Variants in UTRN observed in about 807,000 individuals in gnomAD.
UTRN encodes the protein utrophin, also known as dystrophin-related protein 1.
UTRN carries 283 observed loss-of-function variants against 463.9 expected under a neutral mutation model. That is an observed-to-expected ratio of 0.61 (90% confidence interval 0.55 to 0.67). UTRN has a LOEUF of 0.67. Ranked by LOEUF, UTRN falls within the 30% of genes least tolerant of loss-of-function variation. The pLI is 0.00. For missense variants in UTRN, 3,922 were observed against 4,084.3 expected, an observed-to-expected ratio of 0.96 and a Z score of 1.08; for synonymous variants, 1,442 against 1,431.5, an observed-to-expected ratio of 1.01 and a Z score of -0.17.
chr6:144,431,210 T>G (rs1785808852), intron 9 of UTRN, among the ~76,000 whole-genome samples: 1 of 152,212 alleles, frequency 6.6e-6, no homozygotes, highest in Non-Finnish European at 1.5e-5. Flanking sequence ...TTTATTTAGT[T>G]CTTATAGTTA....
chr6:144,357,150 G>A (rs1214491347), intron 2 of UTRN, among the ~76,000 whole-genome samples: 1 of 152,148 alleles, frequency 6.6e-6, no homozygotes, highest in African/African-American at 2.4e-5. Context: ...GCACATGGGT[G>A]TGGAATTTGT....
Position 144,451,440 on chromosome 6 carries a change from A to T in UTRN, c.2143A>T (p.Ile715Leu). The T allele has an allele frequency of 6.2e-7, 1 of 1,613,358 alleles. No individual in the cohort carries two copies. Among genetic ancestry groups the T allele is most frequent in the Non-Finnish European group, 8.5e-7 (1 of 1,179,824 alleles). Residue 715 changes from isoleucine (I) to leucine (L), a missense_variant, in exon 18 of 75, where the codon ATA becomes TTA. By Grantham distance (5) the Ile-to-Leu change is conservative (BLOSUM62 2). Transcript: ENST00000367545. ...GAAAACTGCCATTCAGACCACAGAG[A>T]TAAAAGAGTATATGAAGATGCAAGA... ...KWKTAIQTTE[I>L]KEYMKMQDTS...
chr6:144,378,810 G>T (rs748453068), intron 2 of UTRN, among the ~76,000 whole-genome samples: 1 of 152,200 alleles, frequency 6.6e-6, no homozygotes, highest in African/African-American at 2.4e-5. Flanking sequence ...AAGGTTATTG[G>T]CTTTAGGCTG....
At chr6:144,316,140 A>G (rs1775273940) in intron 2 of UTRN, among the ~76,000 whole-genome samples, 1 of 152,184 alleles carries the variant, frequency 6.6e-6, no homozygotes, top group Non-Finnish European at 1.5e-5. Context: ...ACTTGAGGCC[A>G]GGAGTTCGAG....
chr6:144,682,713 T>A (rs879320394), intron 52 of UTRN, among the ~76,000 whole-genome samples: 3 of 152,214 alleles, frequency 2.0e-5, no homozygotes, highest in Non-Finnish European at 2.9e-5. Flanking sequence ...AAGGCGTAAA[T>A]GATCTCTTCT....
chr6:144,403,734 G>C (rs1362723423), intron 3 of UTRN, among the ~76,000 whole-genome samples: 2 of 151,956 alleles, frequency 1.3e-5, no homozygotes, highest in East Asian at 1.9e-4. Context: ...TCAATGCTTT[G>C]AGCAATATTT....
chr6:144,824,356 C>CT (rs1346917358), intron 66 of UTRN, among the ~76,000 whole-genome samples: 3 of 149,880 alleles, frequency 2.0e-5, no homozygotes, highest in African/African-American at 7.4e-5. Flanking sequence ...ATTTAAGGCA[C>CT]TAAAAGGGTC....
Position 144,485,477 on chromosome 6 carries a change from G to A in UTRN, c.3780G>A (p.Glu1260=), listed in dbSNP as rs1023123278. ...NTLEERMKST[E]VLPEKTDAVN... is the part of the protein sequence containing the mutation. ...TGGAAGAGCGGATGAAGAGCACAGA[G>A]GTCCTGCCTGAGAAGACGGATGCTG... Residue 1260 remains glutamate (E), a synonymous_variant, in exon 28 of 75, where the codon GAG becomes GAA. Coordinates refer to ENST00000367545, the MANE Select transcript of UTRN (RefSeq NM_007124.3). 6.2e-7 allele frequency: 1 copy of A among 1,614,188 alleles called. No homozygotes were observed. The highest frequency in any genetic ancestry group is 1.3e-5 in the African/African-American group (1 of 75,060).
At chr6:144,693,824 C>G (rs1048176145) in intron 52 of UTRN, among the ~76,000 whole-genome samples, 1 of 152,134 alleles carries the variant, frequency 6.6e-6, no homozygotes, top group Non-Finnish European at 1.5e-5. Context: ...GATATAGAAT[C>G]TTGTCACCTG....
At position 144,790,591 on chromosome 6, in the gene UTRN, C is replaced by T. The variant is rs559868426; in HGVS notation, c.8920+1312C>T. Among the ~76,000 whole-genome samples, 12 of 152,252 alleles carry T rather than the reference C, an allele frequency of 7.9e-5. No homozygotes were observed. The South Asian group carries it at 8.3e-4, about 11-fold the overall frequency. ...AGGATTAGGAGATAAGGTGCTATGACGGAGTGAGAGCCTAGTTAGCCATGC... is the reference window on the plus strand; with the variant it reads ...AGGATTAGGAGATAAGGTGCTATGATGGAGTGAGAGCCTAGTTAGCCATGC... On this transcript the variant is annotated intron_variant, in intron 62 of 74. Coordinates refer to ENST00000367545, the MANE Select transcript of UTRN (RefSeq NM_007124.3).
At chr6:144,385,870 G>T (rs1006012804) in intron 2 of UTRN, among the ~76,000 whole-genome samples, 2 of 151,896 alleles carry the variant, frequency 1.3e-5, no homozygotes, top group Non-Finnish European at 2.9e-5. Flanking sequence ...CACCACACCT[G>T]GCTAATTTTT....
At chr6:144,560,052 C>CACT (rs1799726684) in intron 50 of UTRN, among the ~76,000 whole-genome samples, 1 of 152,132 alleles carries the variant, frequency 6.6e-6, no homozygotes, top group South Asian at 2.1e-4. Flanking sequence ...CATTGTCAGG[C>CACT]ACTGTACTGA....
chr6:144,643,451 A>T (rs1777963231), intron 51 of UTRN, among the ~76,000 whole-genome samples: 1 of 152,188 alleles, frequency 6.6e-6, no homozygotes, highest in Non-Finnish European at 1.5e-5. Flanking sequence ...TTGGATAGTC[A>T]TGTTGTTCAG....
At chr6:144,794,534 A>C (rs1302350970) in intron 63 of UTRN, among the ~76,000 whole-genome samples, 2 of 152,118 alleles carry the variant, frequency 1.3e-5, no homozygotes, top group Non-Finnish European at 2.9e-5. Flanking sequence ...CTTCCTTCTC[A>C]TACTCAGTGC....
intron 66 of UTRN, among the ~76,000 whole-genome samples, chr6:144,821,273 C>T (rs1374158518): frequency 1.3e-5 from 2 of 152,132 alleles, no homozygotes; most frequent in East Asian, 1.9e-4. Context: ...TTAATACACA[C>T]TGGTCATCTC....
intron 51 of UTRN, among the ~76,000 whole-genome samples, chr6:144,676,112 G>A (rs1383364684): frequency 6.7e-6 from 1 of 149,344 alleles, no homozygotes; most frequent in Non-Finnish European, 1.5e-5. Context: ...AAATTTCCCA[G>A]ATAATGCATG....
At chr6:144,490,834 C>CTTT in intron 31 of UTRN, 95 bp from the exon 32 acceptor site, 1 of 1,381,582 alleles carries the variant, frequency 7.2e-7, no homozygotes, top group Non-Finnish European at 9.6e-7. Context: ...TCTTTTGGTA[C>CTTT]TTTATGGTAC....
In UTRN at chr6:144,461,143, A is replaced by G. The variant is rs189117104; in HGVS notation, c.2708-54A>G. On this transcript the variant is annotated intron_variant, in intron 21 of 74. Coordinates refer to ENST00000367545, the MANE Select transcript of UTRN (RefSeq NM_007124.3). The stretch of plus-strand genomic sequence containing the variant: ...TTCATTTAGGATAATGGTCTATGTA[A>G]TAATATTGGTTCCTAATATGATTTT... 2.7e-6 allele frequency: 4 copies of G among 1,460,972 alleles called. No homozygotes were observed. In the Admixed American group the frequency reaches 6.4e-5, roughly 23 times the overall value. 90.5% of individuals were successfully genotyped at this position (1,460,972 alleles called of 1,614,324 possible). A position where few individuals can be genotyped will look rare whatever the true frequency, so the allele number is the denominator to read the frequency against.
intron 54 of UTRN, among the ~76,000 whole-genome samples, chr6:144,732,241 T>TATATATATATATATATACAC (rs1788665280): frequency 1.3e-4 from 3 of 23,906 alleles, no homozygotes; most frequent in South Asian, 9.8e-4. Context: ...TATATATACA[T>TATATATATATATATATACAC]ATATATATAT....
Sources: allele counts gnomAD v4.1 joint callset (sites outside exome capture counted in the v4.1 genomes callset), GRCh38; gene constraint gnomAD v4.1.1; transcripts MANE v1.5; gene names NCBI Gene and HGNC (gene_info 2026-07-23, HGNC 2026-07-21).